The following PTK2 variants were observed in gnomAD, a reference collection of about 807,000 sequenced individuals.
The protein encoded by PTK2 is protein tyrosine kinase 2.
Under a neutral mutation model 150.1 loss-of-function variants are expected in PTK2, and 45 were observed. The observed-to-expected ratio is 0.30, with a 90% CI of 0.24 to 0.38. PTK2 has a LOEUF of 0.38. Ranked by LOEUF, PTK2 falls within the 10% of genes least tolerant of loss-of-function variation. PTK2 has a pLI of 1.00. For missense variants in PTK2, 919 were observed against 1,307.3 expected (o/e 0.70, Z 4.58); for synonymous variants, 432 against 449.2 (o/e 0.96, Z 0.48).
intron 20 of PTK2, among the ~76,000 whole-genome samples, chr8:140,739,831 G>A (rs937893664): frequency 2.6e-5 from 4 of 152,198 alleles, no homozygotes; most frequent in Non-Finnish European, 4.4e-5. Context: ...GCGACAGGAG[G>A]GAGAGACTGC....
intron 26 of PTK2, among the ~76,000 whole-genome samples, chr8:140,689,543 T>C (rs916181848): frequency 3.9e-5 from 6 of 152,236 alleles, no homozygotes; most frequent in Non-Finnish European, 5.9e-5. Flanking sequence ...GCTAACAGTA[T>C]TGTATTATTG....
At chr8:140,925,496 G>C (rs1394468630) in intron 2 of PTK2, 165 bp downstream of exon 2, 1 of 331,008 alleles carries the variant, frequency 3.0e-6, no homozygotes, top group African/African-American at 2.2e-5. Flanking sequence ...AAAAATTTTA[G>C]TCTATCCACA....
chr8:140,801,980 TA>T (rs1566670982), intron 11 of PTK2, among the ~76,000 whole-genome samples: 1 of 152,080 alleles, frequency 6.6e-6, no homozygotes, highest in African/African-American at 2.4e-5. Flanking sequence ...TATAAAAGTA[TA>T]GCACATACGA....
At chr8:140,844,021 C>A (rs1474779658) in intron 7 of PTK2, among the ~76,000 whole-genome samples, 1 of 152,138 alleles carries the variant, frequency 6.6e-6, no homozygotes, top group Non-Finnish European at 1.5e-5. Flanking sequence ...CCTTCATGAC[C>A]TTGACAGTTT....
intron 1 of PTK2, among the ~76,000 whole-genome samples, chr8:140,931,070 C>CAAAAAAA (rs34438579): frequency 2.4e-4 from 27 of 111,604 alleles, no homozygotes; most frequent in East Asian, 6.9e-4. Context: ...GACTCTGTCT[C>CAAAAAAA]AAAAAAAAAA....
chr8:140,977,435 A>G (rs948054242), intron 1 of PTK2, among the ~76,000 whole-genome samples: 1 of 152,194 alleles, frequency 6.6e-6, no homozygotes, highest in Non-Finnish European at 1.5e-5. Flanking sequence ...CATCCTGGCC[A>G]ACACGGTGAA....
intron 2 of PTK2, among the ~76,000 whole-genome samples, chr8:140,911,851 G>T (rs534091053): frequency 6.6e-6 from 1 of 152,028 alleles, no homozygotes; most frequent in Non-Finnish European, 1.5e-5. Context: ...CTGATAAAAC[G>T]ATTACAAGGA....
intron 4 of PTK2, among the ~76,000 whole-genome samples, chr8:140,874,485 G>C (rs1382485470): frequency 6.6e-6 from 1 of 152,074 alleles, no homozygotes; most frequent in East Asian, 1.9e-4. Flanking sequence ...ATGTCTGCAG[G>C]TGACAGAAAA....
At chr8:140,995,765 G>C (rs888246021) in intron 1 of PTK2, among the ~76,000 whole-genome samples, 1 of 152,010 alleles carries the variant, frequency 6.6e-6, no homozygotes, top group African/African-American at 2.4e-5. Context: ...GGCACAAAGC[G>C]AGACTCTGTC....
chr8:140,684,801 C>T (rs547142882), intron 27 of PTK2, among the ~76,000 whole-genome samples: 39 of 152,082 alleles, frequency 2.6e-4, no homozygotes, highest in East Asian at 7.7e-4. Flanking sequence ...ATGGTCGTAC[C>T]GCCCAATGGT....
chr8:140,898,343 A>G (rs1305240427), intron 2 of PTK2, among the ~76,000 whole-genome samples: 4 of 152,204 alleles, frequency 2.6e-5, no homozygotes, highest in South Asian at 4.1e-4. Flanking sequence ...TGCTGACTAC[A>G]CTTTACTGAG....
chr8:140,796,205 T>C (rs1321054362), intron 12 of PTK2, among the ~76,000 whole-genome samples: 1 of 152,174 alleles, frequency 6.6e-6, no homozygotes, highest in Non-Finnish European at 1.5e-5. Context: ...TTAATTCTTC[T>C]GATTTGCAGA....
intron 26 of PTK2, among the ~76,000 whole-genome samples, chr8:140,697,024 C>T (rs570374418): frequency 3.2e-4 from 48 of 149,142 alleles, no homozygotes; most frequent in African/African-American, 1.1e-3. Context: ...GTCCCAGCTA[C>T]TTGGGAGGCT....
Position 140,876,048 on chromosome 8 carries a change from G to A in PTK2, c.362+3423C>T, listed in dbSNP as rs993596228. The stretch of plus-strand genomic sequence containing the variant: ...AAATTTTTTTCATACGATATTAACA[G>A]GGTATAATCCTTTTCCCCTTGGTTA... On this transcript the variant is annotated intron_variant, in intron 4 of 31. Transcript: ENST00000522684. Among the ~76,000 whole-genome samples, 8 of 152,082 alleles carry A rather than the reference G, an allele frequency of 5.3e-5. No homozygotes were observed. In the East Asian group the frequency reaches 1.3e-3, roughly 26 times the overall value.
intron 27 of PTK2, among the ~76,000 whole-genome samples, chr8:140,680,011 T>C (rs1014613724): frequency 6.6e-5 from 10 of 152,142 alleles, no homozygotes; most frequent in Non-Finnish European, 1.2e-4. Flanking sequence ...GGTGCATAAA[T>C]GGGGGCACTT....
intron 8 of PTK2, among the ~76,000 whole-genome samples, chr8:140,827,534 G>GA (rs1481553817): frequency 6.6e-6 from 1 of 151,796 alleles, no homozygotes; most frequent in Non-Finnish European, 1.5e-5. Context: ...GCAGAGGAGG[G>GA]TTTTTTTTAG....
At chr8:140,959,465 G>C (rs1451572234) in intron 1 of PTK2, among the ~76,000 whole-genome samples, 3 of 150,346 alleles carry the variant, frequency 2.0e-5, no homozygotes, top group Non-Finnish European at 4.4e-5. Context: ...CGTGAACCCA[G>C]GAGGCGGAGC....
chr8:140,659,264 T>C, exon 32 of PTK2: 1 of 548,822 alleles, frequency 1.8e-6, no homozygotes, highest in Non-Finnish European at 3.2e-6. Flanking sequence ...ATATCATGAT[T>C]GAAAAAAACA....
intron 16 of PTK2, among the ~76,000 whole-genome samples, chr8:140,757,731 C>CTAT (rs917104169): frequency 3.9e-4 from 59 of 152,296 alleles, no homozygotes; most frequent in Admixed American, 3.9e-3. Context: ...TCACCTGCTA[C>CTAT]TATTCTAGTT....
Sources: allele counts gnomAD v4.1 joint callset (sites outside exome capture counted in the v4.1 genomes callset), GRCh38; gene constraint gnomAD v4.1.1; transcripts MANE v1.5; gene names NCBI Gene and HGNC (gene_info 2026-07-23, HGNC 2026-07-21).